MAN1A2: variants seen among roughly 807,000 people sequenced by gnomAD.
MAN1A2 encodes mannosidase alpha class 1A member 2, also known as mannosyl-oligosaccharide 1,2-alpha-mannosidase IB.
MAN1A2 carries 26 observed loss-of-function variants against 75.7 expected under a neutral mutation model. That is an observed-to-expected ratio of 0.34 (90% CI 0.25 to 0.48). The LOEUF (loss-of-function observed/expected upper bound fraction) is 0.48, where lower values mean the gene tolerates loss of function less well. Ranked by LOEUF, MAN1A2 falls within the 20% of genes least tolerant of loss-of-function variation. The pLI is 0.99. For synonymous variants in MAN1A2, 247 were observed against 264.6 expected, an observed-to-expected ratio of 0.93 and a Z score of 0.65; for missense variants, 562 against 775.5, an observed-to-expected ratio of 0.72 and a Z score of 3.27.
intron 6 of MAN1A2, among the ~76,000 whole-genome samples, chr1:117,451,084 G>A (rs1051382622): frequency 6.6e-6 from 1 of 152,208 alleles, no homozygotes; most frequent in Admixed American, 6.5e-5. Context: ...GCCAGTTCAG[G>A]CACCCAGGAG....
chr1:117,369,983 ACATTTTGAATGGT>A (rs1652904436), intron 1 of MAN1A2, among the ~76,000 whole-genome samples: 1 of 152,252 alleles, frequency 6.6e-6, no homozygotes, highest in Admixed American at 6.5e-5. Context: ...TTTAAAAAAT[ACATTTTGAATGGT>A]CTAAAAGTTT....
At chr1:117,455,497 G>A (rs1429477699) in intron 6 of MAN1A2, among the ~76,000 whole-genome samples, 2 of 152,058 alleles carry the variant, frequency 1.3e-5, no homozygotes, top group Non-Finnish European at 2.9e-5. Context: ...TTATACGTCA[G>A]TATATACTTA....
chr1:117,454,207 T>C (rs1649509975), intron 6 of MAN1A2, among the ~76,000 whole-genome samples: 1 of 152,196 alleles, frequency 6.6e-6, no homozygotes, highest in African/African-American at 2.4e-5. Context: ...ACCAGGCCCA[T>C]AATATCTCTG....
intron 8 of MAN1A2, among the ~76,000 whole-genome samples, chr1:117,480,223 T>C (rs1650451474): frequency 6.6e-6 from 1 of 151,916 alleles, no homozygotes; most frequent in Non-Finnish European, 1.5e-5. Flanking sequence ...TTCTCTCTGG[T>C]ATACTATCCT....
intron 1 of MAN1A2, among the ~76,000 whole-genome samples, chr1:117,387,331 A>G (rs1199935047): frequency 6.6e-6 from 1 of 152,054 alleles, no homozygotes; most frequent in African/African-American, 2.4e-5. Context: ...AGAAAACAGT[A>G]TGGTGTGTTC....
At chr1:117,442,142 C>T in intron 5 of MAN1A2, 89 bp from the exon 6 acceptor site, 4 of 837,104 alleles carry the variant, frequency 4.8e-6, no homozygotes, top group Non-Finnish European at 8.2e-6. Context: ...TACCCAGTAC[C>T]TTGTGCTATG....
intron 8 of MAN1A2, among the ~76,000 whole-genome samples, chr1:117,487,647 A>T (rs1650755014): frequency 6.6e-6 from 1 of 152,044 alleles, no homozygotes; most frequent in Non-Finnish European, 1.5e-5. Flanking sequence ...TGTAATATTG[A>T]TGGGAATATT....
intron 4 of MAN1A2, among the ~76,000 whole-genome samples, chr1:117,420,330 G>C (rs1009801909): frequency 2.0e-5 from 3 of 151,942 alleles, no homozygotes; most frequent in Admixed American, 1.3e-4. Flanking sequence ...ACTGTGTAAG[G>C]TACATAAAAA....
intron 1 of MAN1A2, among the ~76,000 whole-genome samples, chr1:117,396,488 T>C (rs1298594045): frequency 6.6e-6 from 1 of 152,122 alleles, no homozygotes; most frequent in Admixed American, 6.5e-5. Context: ...AATATGTATA[T>C]AAGAGAAAGA....
At chr1:117,381,345 C>G (rs1181334904) in intron 1 of MAN1A2, among the ~76,000 whole-genome samples, 1 of 152,202 alleles carries the variant, frequency 6.6e-6, no homozygotes, top group East Asian at 1.9e-4. Flanking sequence ...CTCCCCCAAC[C>G]CCACAACAGT....
At chr1:117,418,889 A>G (rs1168914886) in intron 4 of MAN1A2, among the ~76,000 whole-genome samples, 3 of 152,280 alleles carry the variant, frequency 2.0e-5, no homozygotes, top group East Asian at 1.9e-4. Flanking sequence ...ATGCAAGGTA[A>G]TTGGTATTAA....
chr1:117,493,866 C>G (rs1557973476), intron 9 of MAN1A2: 1 of 151,994 alleles, frequency 6.6e-6, no homozygotes. Context: ...TTTACAGAGA[C>G]TGGAAAAACT....
At chr1:117,514,134 G>A (rs1048599698) in intron 12 of MAN1A2, among the ~76,000 whole-genome samples, 4 of 152,078 alleles carry the variant, frequency 2.6e-5, no homozygotes, top group Admixed American at 6.6e-5. Flanking sequence ...AGGCCAAGGC[G>A]GGTGGATCAC....
intron 4 of MAN1A2, among the ~76,000 whole-genome samples, chr1:117,418,682 AC>A (rs1648092161): frequency 6.6e-6 from 1 of 152,128 alleles, no homozygotes; most frequent in Non-Finnish European, 1.5e-5. Context: ...CTGAAGACTT[AC>A]ATTTTCATCA....
At chr1:117,390,712 A>G (rs1653687340) in intron 1 of MAN1A2, among the ~76,000 whole-genome samples, 1 of 151,716 alleles carries the variant, frequency 6.6e-6, no homozygotes, top group Admixed American at 6.6e-5. Flanking sequence ...GGTTCTTGAT[A>G]TAAGATCTTT....
At chr1:117,475,529 G>A (rs756281519) in intron 8 of MAN1A2, among the ~76,000 whole-genome samples, 2 of 151,732 alleles carry the variant, frequency 1.3e-5, no homozygotes, top group African/African-American at 4.8e-5. Flanking sequence ...CCCACCCACC[G>A]ACAGGCCCCG....
chr1:117,425,623 C>T (rs1648340165), intron 5 of MAN1A2, among the ~76,000 whole-genome samples: 1 of 152,172 alleles, frequency 6.6e-6, no homozygotes, highest in African/African-American at 2.4e-5. Context: ...TACATAACCA[C>T]AGAAACATCT....
At chr1:117,400,911 A>G (rs1418575512) in intron 1 of MAN1A2, among the ~76,000 whole-genome samples, 1 of 152,190 alleles carries the variant, frequency 6.6e-6, no homozygotes, top group African/African-American at 2.4e-5. Context: ...ATTCAGTAGC[A>G]TTAAATACAT....
In MAN1A2 at chr1:117,525,830, C is replaced by G. The variant is rs1652000788; in HGVS notation, c.*2873C>G. 1 of 151,624 alleles carries G rather than the reference C, an allele frequency of 6.6e-6. No homozygotes were observed. The highest frequency in any genetic ancestry group is 1.5e-5 in the Non-Finnish European group (1 of 67,774). The allele number at this position is 151,624 out of a possible 1,614,324, so 9.4% of individuals were successfully genotyped here. ...AAGTCTCAACTCAGAAAAATAAGTC[C>G]CCAGTCAGGTGGTTCTTACTTTCTT... On this transcript the variant is annotated 3_prime_UTR_variant, in exon 13 of 13. Coordinates refer to ENST00000356554, the MANE Select transcript of MAN1A2 (RefSeq NM_006699.5).
Sources: gnomAD v4.1 joint callset for allele counts (sites outside exome capture counted in the v4.1 genomes callset) on GRCh38, gnomAD v4.1.1 for gene constraint, MANE v1.5 for transcripts, NCBI Gene and HGNC (gene_info 2026-07-23, HGNC 2026-07-21) for gene names.